The following SOX5 variants were observed in gnomAD, a reference collection of about 807,000 sequenced individuals.
SOX5 encodes the protein SRY-box transcription factor 5.
Under a neutral mutation model 92.0 loss-of-function variants are expected in SOX5, and 9 were observed. The observed-to-expected ratio is 0.10, with a 90% CI of 0.06 to 0.17. SOX5 has a LOEUF of 0.17. Among genes scored for constraint, SOX5 ranks in the 10% least tolerant of loss-of-function variants. SOX5 has a pLI of 1.00. For synonymous variants in SOX5, 344 were observed against 336.3 expected (o/e 1.02, Z -0.25); for missense variants, 642 against 944.5 (o/e 0.68, Z 4.20).
intron 4 of SOX5, among the ~76,000 whole-genome samples, chr12:24,140,294 G>GA (rs1950469781): frequency 6.6e-6 from 1 of 151,986 alleles, no homozygotes; most frequent in African/African-American, 2.4e-5. Flanking sequence ...GTGATGTTCA[G>GA]AAAAAAGGGA....
chr12:24,372,971 T>C (rs1181290774), intron 1 of SOX5, among the ~76,000 whole-genome samples: 5 of 90,178 alleles, frequency 5.5e-5, no homozygotes, highest in African/African-American at 2.0e-4. Context: ...AAAAAAAAAC[T>C]GCTGGGTGTG....
intron 3 of SOX5, among the ~76,000 whole-genome samples, chr12:23,838,844 G>T (rs10771037): frequency 0.56 from 31,945 of 56,816 alleles, 7,424 homozygotes; most frequent in East Asian, 0.83. Context: ...CTTTTTTTTT[G>T]GGGGGGGGGG....
chr12:23,655,565 T>G (rs1314830511), intron 7 of SOX5, among the ~76,000 whole-genome samples: 7 of 152,174 alleles, frequency 4.6e-5, no homozygotes, highest in Admixed American at 3.3e-4. Flanking sequence ...ATATTAAGGC[T>G]TAGCAACCAT....
intron 1 of SOX5, among the ~76,000 whole-genome samples, chr12:24,410,023 G>C (rs1026761291): frequency 3.3e-5 from 5 of 151,208 alleles, no homozygotes; most frequent in African/African-American, 1.2e-4. Flanking sequence ...TTTTAAACAG[G>C]GTCTCATTCT....
intron 1 of SOX5, among the ~76,000 whole-genome samples, chr12:24,378,908 C>A (rs190758662): frequency 5.3e-5 from 8 of 152,316 alleles, no homozygotes; most frequent in African/African-American, 1.9e-4. Context: ...CCATCCTCTG[C>A]CCCAAACCTC....
chr12:24,425,889 C>G (rs1376764425), intron 1 of SOX5, among the ~76,000 whole-genome samples: 1 of 152,182 alleles, frequency 6.6e-6, no homozygotes, highest in African/African-American at 2.4e-5. Flanking sequence ...AGAGTTCTTT[C>G]AATTTCCTCA....
At chr12:24,236,643 G>A (rs528844305) in intron 3 of SOX5, among the ~76,000 whole-genome samples, 2 of 152,156 alleles carry the variant, frequency 1.3e-5, no homozygotes, top group East Asian at 3.8e-4. Flanking sequence ...TGGAAACCAG[G>A]GAAAGATTAT....
chr12:23,959,162 AAATT>A (rs1946610858), intron 4 of SOX5, among the ~76,000 whole-genome samples: 1 of 152,072 alleles, frequency 6.6e-6, no homozygotes, highest in East Asian at 1.9e-4. Flanking sequence ...AGCACTAAAT[AAATT>A]AATTCAAAAT....
chr12:23,907,746 CAA>C (rs11359160), intron 1 of SOX5, among the ~76,000 whole-genome samples: 163 of 142,800 alleles, frequency 1.1e-3, no homozygotes, highest in Admixed American at 1.7e-3. Flanking sequence ...GGTGCATAAG[CAA>C]AAAAAAAAAA....
In SOX5 at chr12:23,817,556, G is replaced by A. The variant is rs993364617; in HGVS notation, c.481+28427C>T. ...ACTTTAAAAGAAGTTGCGTCATAGAGAGATAGATCCAGTGAATATTGGAAT... is the reference window on the plus strand; with the variant it reads ...ACTTTAAAAGAAGTTGCGTCATAGAAAGATAGATCCAGTGAATATTGGAAT... On this transcript the variant is annotated intron_variant, in intron 3 of 14. Transcript: ENST00000451604. 1.9e-4 allele frequency among the ~76,000 whole-genome samples: 29 copies of A among 152,316 alleles called. 1 individual carries two copies. Among genetic ancestry groups the A allele is most frequent in the Admixed American group, 7.2e-4 (11 of 15,290 alleles).
chr12:23,825,796 T>C (rs1174164980), intron 3 of SOX5, among the ~76,000 whole-genome samples: 1 of 152,234 alleles, frequency 6.6e-6, no homozygotes, highest in Non-Finnish European at 1.5e-5. Context: ...TATAAATATC[T>C]ATATTATATG....
intron 4 of SOX5, among the ~76,000 whole-genome samples, chr12:24,192,216 G>A (rs1381995000): frequency 2.0e-5 from 3 of 152,160 alleles, no homozygotes; most frequent in Non-Finnish European, 4.4e-5. Context: ...TTGAACAACA[G>A]TTCTTCCGAC....
chr12:23,767,317 C>T (rs1405911521), intron 3 of SOX5, among the ~76,000 whole-genome samples: 1 of 151,888 alleles, frequency 6.6e-6, no homozygotes, highest in Non-Finnish European at 1.5e-5. Context: ...AAGTTGCAAA[C>T]AGAAAAGAGA....
chr12:24,555,091 T>C (rs1375892137), intron 1 of SOX5, among the ~76,000 whole-genome samples: 6 of 152,238 alleles, frequency 3.9e-5, no homozygotes, highest in African/African-American at 1.4e-4. Context: ...CTGCGACTCA[T>C]CACAGCAGGA....
At chr12:24,157,764 G>A (rs751040042) in intron 4 of SOX5, among the ~76,000 whole-genome samples, 6 of 152,048 alleles carry the variant, frequency 3.9e-5, no homozygotes, top group Non-Finnish European at 8.8e-5. Flanking sequence ...CCTATTAAGG[G>A]AAGCACCAGT....
At chr12:24,411,609 G>A (rs1964098218) in intron 1 of SOX5, among the ~76,000 whole-genome samples, 1 of 152,148 alleles carries the variant, frequency 6.6e-6, no homozygotes, top group Non-Finnish European at 1.5e-5. Flanking sequence ...GAATTACACT[G>A]ATGGTTTTTC....
chr12:23,557,050 A>G (rs1020652444), intron 11 of SOX5, among the ~76,000 whole-genome samples: 2 of 152,202 alleles, frequency 1.3e-5, no homozygotes, highest in African/African-American at 4.8e-5. Flanking sequence ...TTAAGTCAAC[A>G]TTGGTCACTG....
intron 4 of SOX5, among the ~76,000 whole-genome samples, chr12:23,993,493 GTCA>G (rs1195079510): frequency 6.6e-6 from 1 of 152,198 alleles, no homozygotes; most frequent in South Asian, 2.1e-4. Context: ...ACTCAAAACT[GTCA>G]TCATGACTTC....
At chr12:23,842,895 C>G (rs1171828634) in intron 3 of SOX5, among the ~76,000 whole-genome samples, 1 of 152,154 alleles carries the variant, frequency 6.6e-6, no homozygotes, top group Non-Finnish European at 1.5e-5. Flanking sequence ...AGCTCCTCCG[C>G]TTCAAACAGT....
Sources: gnomAD v4.1 joint callset for allele counts (sites outside exome capture counted in the v4.1 genomes callset) on GRCh38, gnomAD v4.1.1 for gene constraint, MANE v1.5 for transcripts, NCBI Gene and HGNC (gene_info 2026-07-23, HGNC 2026-07-21) for gene names.